LHFPL6: variants seen among roughly 807,000 people sequenced by gnomAD.
The protein encoded by LHFPL6 is LHFPL tetraspan subfamily member 6.
Under a neutral mutation model 20.6 loss-of-function variants are expected in LHFPL6, and 9 were observed. The observed-to-expected ratio is 0.44, with a 90% confidence interval of 0.26 to 0.76. The LOEUF is 0.76. Ranked by LOEUF, LHFPL6 falls within the 30% of genes least tolerant of loss-of-function variation. The pLI is 0.20. For missense variants in LHFPL6, 218 were observed against 253.5 expected (o/e 0.86, Z 0.95); for synonymous variants, 105 against 98.7 (o/e 1.06, Z -0.38).
chr13:39,356,734 C>A (rs1304086193), intron 3 of LHFPL6, among the ~76,000 whole-genome samples: 1 of 152,214 alleles, frequency 6.6e-6, no homozygotes, highest in Non-Finnish European at 1.5e-5. Flanking sequence ...CTATTATGAA[C>A]ATCTCCATGC....
At chr13:39,459,285 T>C (rs1394199072) in intron 2 of LHFPL6, among the ~76,000 whole-genome samples, 1 of 151,590 alleles carries the variant, frequency 6.6e-6, no homozygotes, top group Admixed American at 6.6e-5. Context: ...GTTTTCCAGT[T>C]CCACTTATTT....
At chr13:39,473,112 T>G (rs1277893331) in intron 2 of LHFPL6, among the ~76,000 whole-genome samples, 1 of 151,862 alleles carries the variant, frequency 6.6e-6, no homozygotes, top group Non-Finnish European at 1.5e-5. Context: ...AGGTGATAGC[T>G]ATGCAAGCTC....
chr13:39,514,743 A>T (rs1160494500), intron 2 of LHFPL6, among the ~76,000 whole-genome samples: 1 of 152,268 alleles, frequency 6.6e-6, no homozygotes, highest in Non-Finnish European at 1.5e-5. Flanking sequence ...TTCAACGTGA[A>T]TGCATTTCTG....
At chr13:39,364,095 G>C (rs1220752920) in intron 3 of LHFPL6, among the ~76,000 whole-genome samples, 1 of 152,132 alleles carries the variant, frequency 6.6e-6, no homozygotes, top group Non-Finnish European at 1.5e-5. Context: ...ATTATGTAGT[G>C]CGTGACTGTA....
At chr13:39,595,205 T>C (rs1288910258) in intron 2 of LHFPL6, among the ~76,000 whole-genome samples, 1 of 152,250 alleles carries the variant, frequency 6.6e-6, no homozygotes, top group Non-Finnish European at 1.5e-5. Context: ...AAAAGATTTA[T>C]TAATTCCTCA....
chr13:39,423,422 CTTT>C (rs562533121), intron 2 of LHFPL6, among the ~76,000 whole-genome samples: 1 of 146,728 alleles, frequency 6.8e-6, no homozygotes, highest in African/African-American at 2.5e-5. Context: ...AGAAAGGCTT[CTTT>C]TTTTTTTTAT....
chr13:39,564,735 C>T (rs1871656228), intron 2 of LHFPL6, among the ~76,000 whole-genome samples: 1 of 152,124 alleles, frequency 6.6e-6, no homozygotes, highest in African/African-American at 2.4e-5. Flanking sequence ...ATTAAGTTTG[C>T]TTATTTAAGT....
At chr13:39,545,041 G>T (rs915569796) in intron 2 of LHFPL6, among the ~76,000 whole-genome samples, 1 of 151,764 alleles carries the variant, frequency 6.6e-6, no homozygotes, top group African/African-American at 2.4e-5. Context: ...AGGAGATCGA[G>T]ACCATCCTGG....
At chr13:39,448,051 A>T (rs1872338863) in intron 2 of LHFPL6, among the ~76,000 whole-genome samples, 1 of 152,202 alleles carries the variant, frequency 6.6e-6, no homozygotes, top group Non-Finnish European at 1.5e-5. Flanking sequence ...AATCAATCAC[A>T]CATTCAGAAC....
intron 2 of LHFPL6, among the ~76,000 whole-genome samples, chr13:39,385,592 G>A (rs935028650): frequency 1.3e-5 from 2 of 152,234 alleles, no homozygotes; most frequent in South Asian, 2.1e-4. Flanking sequence ...ATATCAGCAT[G>A]ATACTAATTG....
At chr13:39,593,750 A>G (rs1872682954) in intron 2 of LHFPL6, among the ~76,000 whole-genome samples, 1 of 150,920 alleles carries the variant, frequency 6.6e-6, no homozygotes, top group Non-Finnish European at 1.5e-5. Flanking sequence ...ACAGCATGGT[A>G]CTGGTACCAA....
At chr13:39,448,564 C>T (rs1186672329) in intron 2 of LHFPL6, among the ~76,000 whole-genome samples, 1 of 152,274 alleles carries the variant, frequency 6.6e-6, no homozygotes. Context: ...TACAACTTAA[C>T]GTACAAAATT....
intron 2 of LHFPL6, among the ~76,000 whole-genome samples, chr13:39,487,779 T>A (rs1049044358): frequency 2.0e-5 from 3 of 151,994 alleles, no homozygotes; most frequent in Non-Finnish European, 2.9e-5. Context: ...GAGGCTGAGG[T>A]TCACACCTGT....
intron 3 of LHFPL6, among the ~76,000 whole-genome samples, chr13:39,369,447 T>C (rs1174700892): frequency 1.3e-5 from 2 of 151,958 alleles, no homozygotes; most frequent in Non-Finnish European, 2.9e-5. Flanking sequence ...TTTTGGGAGG[T>C]GGTTAGGCCA....
intron 2 of LHFPL6, among the ~76,000 whole-genome samples, chr13:39,384,897 C>T (rs764069968): frequency 3.3e-5 from 5 of 152,036 alleles, no homozygotes; most frequent in East Asian, 1.9e-4. Context: ...TTTGTGCATA[C>T]GAGTGGAAGT....
intron 2 of LHFPL6, among the ~76,000 whole-genome samples, chr13:39,514,795 A>G (rs1442713103): frequency 6.6e-5 from 10 of 152,240 alleles, no homozygotes; most frequent in African/African-American, 2.2e-4. Flanking sequence ...CTCAAAGTGG[A>G]AGAAGCCAAC....
At chr13:39,502,696 A>G (rs1869334883) in intron 2 of LHFPL6, among the ~76,000 whole-genome samples, 1 of 152,120 alleles carries the variant, frequency 6.6e-6, no homozygotes, top group Non-Finnish European at 1.5e-5. Flanking sequence ...AAAAGCCCCA[A>G]GTGATTCTAT....
intron 3 of LHFPL6, among the ~76,000 whole-genome samples, chr13:39,365,209 A>C (rs951598055): frequency 4.2e-4 from 64 of 152,178 alleles, no homozygotes; most frequent in African/African-American, 1.4e-3. Flanking sequence ...CTCCATGTGA[A>C]CTATGGCTGC....
rs767876954 is a variant in LHFPL6 at position 39,601,198 on chromosome 13, A to G, written c.19T>C (p.Cys7Arg). The change falls in exon 2 of 4, where the codon TGT (cysteine) becomes CGT (arginine). Residue 7 changes from cysteine to arginine, a missense_variant. Coordinates refer to ENST00000379589, the MANE Select transcript of LHFPL6 (RefSeq NM_005780.3). ...AGCAAAGCCCAGATTACTCCAGTACAAGTCAGGCTGGATGCCATCTTTCAC... is the reference window on the plus strand; with the variant it reads ...AGCAAAGCCCAGATTACTCCAGTACGAGTCAGGCTGGATGCCATCTTTCAC... The part of the protein sequence containing the change: MASSLT[C>R]TGVIWALLSF... 1 of 1,610,818 alleles carries G rather than the reference A, an allele frequency of 6.2e-7. No homozygotes were observed. Among genetic ancestry groups the G allele is most frequent in the African/African-American group, 1.3e-5 (1 of 74,836 alleles).
Sources: gnomAD v4.1 joint callset for allele counts (sites outside exome capture counted in the v4.1 genomes callset) on GRCh38, gnomAD v4.1.1 for gene constraint, MANE v1.5 for transcripts, NCBI Gene and HGNC (gene_info 2026-07-23, HGNC 2026-07-21) for gene names.